LARP4: variants seen among roughly 807,000 people sequenced by gnomAD.
LARP4 encodes la-related protein 4.
LARP4 carries 29 observed loss-of-function variants against 92.9 expected under a neutral mutation model. That is an observed-to-expected ratio of 0.31 (90% CI 0.23 to 0.43). The LOEUF is 0.43. LARP4 is among the 20% of genes least tolerant of loss of function. The pLI is 1.00. For synonymous variants in LARP4, 279 were observed against 284.1 expected (o/e 0.98, Z 0.18); for missense variants, 732 against 860.0 (o/e 0.85, Z 1.86).
chr12:50,462,809 A>AG (rs1565722710), intron 12 of LARP4, among the ~76,000 whole-genome samples, 179 bp downstream of exon 12: 1 of 152,156 alleles, frequency 6.6e-6, no homozygotes, highest in Non-Finnish European at 1.5e-5. Flanking sequence ...CCCACCCTCT[A>AG]GCACACATGT....
intron 4 of LARP4, 46 bp downstream of exon 4, chr12:50,430,616 T>TA (rs775908727): frequency 2.7e-5 from 32 of 1,183,630 alleles, no homozygotes; most frequent in Non-Finnish European, 1.2e-5. Flanking sequence ...AGATGTAAAA[T>TA]ACGTGTGAAA....
intron 1 of LARP4, among the ~76,000 whole-genome samples, chr12:50,409,615 A>G (rs1428764038): frequency 1.3e-5 from 2 of 152,002 alleles, no homozygotes; most frequent in Non-Finnish European, 2.9e-5. Flanking sequence ...TATACAAAAA[A>G]AATTAGGCGG....
chr12:50,414,993 A>G lies in LARP4; in HGVS notation c.19-12769A>G, dbSNP rs11169418. ...GCCGAGGCAGGGAGATCATGGGGTC[A>G]GGAGTTCGAGACCAGCCTGGCCAAC... On this transcript the variant is annotated intron_variant, in intron 1 of 15. Transcript: ENST00000398473. Among the ~76,000 whole-genome samples the G allele has an allele frequency of 1.6e-3, 247 of 152,230 alleles. 1 individual carries two copies. Among genetic ancestry groups the G allele is most frequent in the African/African-American group, 5.4e-3 (226 of 41,528 alleles).
In LARP4 at chr12:50,478,172, C is replaced by T. The variant is rs1426716377; in HGVS notation, c.*2308C>T. The T allele has an allele frequency of 6.6e-6, 1 of 152,306 alleles. No homozygotes were observed. Among genetic ancestry groups the T allele is most frequent in the Non-Finnish European group, 1.5e-5 (1 of 67,910 alleles). The allele number at this position is 152,306 out of a possible 1,614,324, so 9.4% of individuals were successfully genotyped here. Reference sequence around the variant, plus strand: ...TTAGAAGAAAGCAAGTATATTTTTGCTTTTACTTCAAATGTTATTTAAAGT... The same window carrying T: ...TTAGAAGAAAGCAAGTATATTTTTGTTTTTACTTCAAATGTTATTTAAAGT... On this transcript the variant is annotated 3_prime_UTR_variant, in exon 16 of 16. Coordinates refer to ENST00000398473, the MANE Select transcript of LARP4 (RefSeq NM_052879.5).
intron 11 of LARP4, 35 bp from the exon 12 acceptor site, chr12:50,462,547 A>ACC (rs1565720685): frequency 7.5e-6 from 5 of 665,040 alleles, no homozygotes; most frequent in South Asian, 1.5e-5. Flanking sequence ...TTGTCCCTCC[A>ACC]CCCCACCCCA....
chr12:50,440,156 G>A (rs1273714727), intron 6 of LARP4, among the ~76,000 whole-genome samples: 1 of 152,128 alleles, frequency 6.6e-6, no homozygotes, highest in Non-Finnish European at 1.5e-5. Context: ...ACATCTCCTG[G>A]CCAAGTGGAG....
At chr12:50,412,724 C>G (rs1946114280) in intron 1 of LARP4, among the ~76,000 whole-genome samples, 1 of 152,162 alleles carries the variant, frequency 6.6e-6, no homozygotes. Flanking sequence ...GTGATTGAAG[C>G]ATCAGTTTTA....
chr12:50,441,507 A>G, intron 7 of LARP4, 83 bp from the exon 8 acceptor site: 1 of 1,022,118 alleles, frequency 9.8e-7, no homozygotes, highest in Non-Finnish European at 1.5e-6. Context: ...TTATAGTTTA[A>G]TACTAAACTC....
intron 10 of LARP4, among the ~76,000 whole-genome samples, chr12:50,460,154 A>T (rs1955113574): frequency 6.6e-6 from 1 of 152,032 alleles, no homozygotes; most frequent in Admixed American, 6.6e-5. Flanking sequence ...AAAAAAAAGA[A>T]GAAGAAGAAT....
Position 50,453,670 on chromosome 12 carries a change from C to A in LARP4, c.1015C>A (p.Leu339Met). 1 of 1,561,254 alleles carries A rather than the reference C, an allele frequency of 6.4e-7. No individual in the cohort carries two copies. The highest frequency in any genetic ancestry group is 8.8e-7 in the Non-Finnish European group (1 of 1,136,442). ...PNPTPYFETPLAPFPNGSFVN... is the reference protein window; with the variant it reads ...PNPTPYFETPMAPFPNGSFVN... ...TCCTACACCTTACTTTGAAACACCA[C>A]TGGTAAGTGAGATCCTTACAATAAA... Residue 339 changes from leucine (L) to methionine (M), a missense_variant and splice_region_variant, in exon 9 of 16, where the codon CTG becomes ATG. By Grantham distance (15) the Leu-to-Met change is conservative. Transcript: ENST00000398473.
intron 9 of LARP4, 40 bp from the exon 10 acceptor site, chr12:50,454,274 C>T (rs1593276344): frequency 6.7e-7 from 1 of 1,485,892 alleles, no homozygotes; most frequent in East Asian, 2.3e-5. Flanking sequence ...CAGATTTTAC[C>T]TTTGCCATTA....
chr12:50,473,346 T>G, intron 13 of LARP4, 69 bp from the exon 14 acceptor site: 1 of 1,164,074 alleles, frequency 8.6e-7, no homozygotes, highest in East Asian at 2.5e-5. Flanking sequence ...TCTCTTGTGC[T>G]TATTAGACGT....
intron 13 of LARP4, among the ~76,000 whole-genome samples, chr12:50,468,378 C>T (rs189837897): frequency 2.5e-4 from 38 of 151,906 alleles, no homozygotes; most frequent in Admixed American, 1.8e-3. Context: ...ACTGCGAGCT[C>T]TGCCTCCTGG....
intron 1 of LARP4, chr12:50,421,243 C>G: frequency 1.0e-6 from 1 of 984,316 alleles, no homozygotes; most frequent in Non-Finnish European, 1.2e-6. Flanking sequence ...GCCACCGTAC[C>G]CAGCCGGCTT....
At chr12:50,444,359 T>C (rs990306041) in intron 8 of LARP4, among the ~76,000 whole-genome samples, 3 of 152,208 alleles carry the variant, frequency 2.0e-5, no homozygotes, top group African/African-American at 7.2e-5. Context: ...TCAGATATAG[T>C]AGTAAAAACA....
chr12:50,419,294 G>A (rs887296035), intron 1 of LARP4, among the ~76,000 whole-genome samples: 1 of 152,180 alleles, frequency 6.6e-6, no homozygotes. Flanking sequence ...TCATCTTGGA[G>A]GTTGAGGCTG....
At chr12:50,428,870 C>T in intron 2 of LARP4, 65 bp from the exon 3 acceptor site, 1 of 1,261,178 alleles carries the variant, frequency 7.9e-7, no homozygotes, top group Non-Finnish European at 1.1e-6. Context: ...GACATACTGC[C>T]CAGAGTTCCT....
At chr12:50,422,773 G>C (rs915742843) in intron 1 of LARP4, among the ~76,000 whole-genome samples, 14 of 144,872 alleles carry the variant, frequency 9.7e-5, no homozygotes, top group Middle Eastern at 3.6e-3. Flanking sequence ...TATGCCAGTT[G>C]GGAAATTATA....
chr12:50,459,780 C>T lies in LARP4; in HGVS notation c.1122-1355C>T, dbSNP rs145675805. Among the ~76,000 whole-genome samples, 1,007 of 142,850 alleles carry T rather than the reference C, an allele frequency of 7.0e-3. 8 individuals carry two copies. Among genetic ancestry groups the T allele is most frequent in the African/African-American group, 0.025 (953 of 38,020 alleles). 93.7% of individuals were successfully genotyped at this position (142,850 alleles called of 152,430 possible). ...CGGAGGTTGCAGTGACCTGAGATCG[C>T]GCCATTGCACTCCAGCCTGGCGACA... is the stretch of plus-strand genomic sequence containing the variant. On this transcript the variant is annotated intron_variant, in intron 10 of 15. Transcript: ENST00000398473.
Sources: gnomAD v4.1 joint callset for allele counts (sites outside exome capture counted in the v4.1 genomes callset) on GRCh38, gnomAD v4.1.1 for gene constraint, MANE v1.5 for transcripts, NCBI Gene and HGNC (gene_info 2026-07-23, HGNC 2026-07-21) for gene names.